The following NCKAP1 variants were observed in gnomAD, a reference collection of about 807,000 sequenced individuals.
NCKAP1 encodes NCK associated protein 1.
NCKAP1 carries 21 observed loss-of-function variants against 151.2 expected under a neutral mutation model. That is an observed-to-expected ratio of 0.14 (90% CI 0.10 to 0.20). The LOEUF (loss-of-function observed/expected upper bound fraction) is 0.20, where lower values mean the gene tolerates loss of function less well. Among genes scored for constraint, NCKAP1 ranks in the 10% least tolerant of loss-of-function variants. The probability of loss-of-function intolerance (pLI) is 1.00; values close to 1 mark genes in which losing one functional copy is unlikely to be tolerated. For missense variants in NCKAP1, 933 were observed against 1,352.1 expected, an observed-to-expected ratio of 0.69 and a Z score of 4.86; for synonymous variants, 484 against 451.8, an observed-to-expected ratio of 1.07 and a Z score of -0.90.
intron 20 of NCKAP1, among the ~76,000 whole-genome samples, chr2:182,953,945 G>C (rs1468699839): frequency 1.3e-5 from 2 of 152,168 alleles, no homozygotes; most frequent in Non-Finnish European, 2.9e-5. Context: ...TTGTAGCAAG[G>C]ACAGTGAACT....
At chr2:183,017,549 T>C (rs1003822914) in intron 2 of NCKAP1, among the ~76,000 whole-genome samples, 2 of 152,090 alleles carry the variant, frequency 1.3e-5, no homozygotes, top group African/African-American at 4.8e-5. Context: ...ATGTGAGTGA[T>C]GGGGAGTGGC....
chr2:182,981,949 A>G (rs1697947944), intron 12 of NCKAP1, among the ~76,000 whole-genome samples: 1 of 151,396 alleles, frequency 6.6e-6, no homozygotes, highest in Non-Finnish European at 1.5e-5. Context: ...AAAAAAATAA[A>G]CAGGACATGT....
Position 182,913,271 on chromosome 2 carries a change from G to T in NCKAP1, c.*12431C>A, listed in dbSNP as rs1466756173. 6.6e-6 allele frequency: 1 copy of T among 152,214 alleles called. No homozygotes were observed. Among genetic ancestry groups the T allele is most frequent in the East Asian group, 1.9e-4 (1 of 5,196 alleles). The allele number at this position is 152,214 out of a possible 1,614,324, so 9.4% of individuals were successfully genotyped here. On this transcript the variant is annotated 3_prime_UTR_variant, in exon 31 of 31. Transcript: ENST00000361354. ...TATTGAGGACTGTTGTGGCTTGAATGTGTCCCCGAAAAGTTCATGTGTTGG... is the reference window on the plus strand; with the variant it reads ...TATTGAGGACTGTTGTGGCTTGAATTTGTCCCCGAAAAGTTCATGTGTTGG...
intron 23 of NCKAP1, among the ~76,000 whole-genome samples, chr2:182,948,163 A>G (rs189596588): frequency 1.7e-3 from 265 of 152,214 alleles, no homozygotes; most frequent in Non-Finnish European, 2.0e-3. Flanking sequence ...ATCCTTAAAT[A>G]AGTCAGGATT....
intron 2 of NCKAP1, among the ~76,000 whole-genome samples, chr2:183,020,802 T>G (rs1199826267): frequency 2.6e-5 from 4 of 152,108 alleles, no homozygotes; most frequent in African/African-American, 9.7e-5. Context: ...ATCAACTAAT[T>G]CAATAAGTTA....
At chr2:182,953,612 C>T (rs1216186896) in intron 20 of NCKAP1, among the ~76,000 whole-genome samples, 2 of 151,974 alleles carry the variant, frequency 1.3e-5, no homozygotes, top group Non-Finnish European at 2.9e-5. Flanking sequence ...ACCATCCTGG[C>T]CAACATGGTG....
intron 6 of NCKAP1, among the ~76,000 whole-genome samples, chr2:182,997,530 C>A (rs898815436): frequency 6.6e-6 from 1 of 152,056 alleles, no homozygotes; most frequent in Non-Finnish European, 1.5e-5. Context: ...TGTTTAGTTT[C>A]CAAGTATTTG....
At chr2:182,992,889 T>C (rs1341205868) in intron 8 of NCKAP1, among the ~76,000 whole-genome samples, 2 of 152,216 alleles carry the variant, frequency 1.3e-5, no homozygotes, top group Non-Finnish European at 2.9e-5. Context: ...TAATAAAAAC[T>C]ATGAGCTTGT....
chr2:183,015,652 T>G (rs994030218), intron 2 of NCKAP1, among the ~76,000 whole-genome samples: 3 of 152,018 alleles, frequency 2.0e-5, no homozygotes, highest in Admixed American at 2.0e-4. Flanking sequence ...CTTTTCTCTT[T>G]AAGGCTAAAT....
intron 8 of NCKAP1, among the ~76,000 whole-genome samples, chr2:182,991,660 C>CAA (rs578190632): frequency 1.5e-5 from 2 of 132,076 alleles, no homozygotes; most frequent in African/African-American, 2.8e-5. Context: ...GATGAAAGGA[C>CAA]AAAAAAAAAA....
chr2:182,995,737 T>C lies in NCKAP1; in HGVS notation c.705A>G (p.Ala235=), dbSNP rs1698256014. ...RNAQLLSLIS[A]PSTMLNPAQS... is the part of the protein sequence containing the mutation. ...GTGCTGGATTAAGCATTGTACTAGG[T>C]GCACTGATGAGGCTCAATAACTGGG... The change falls in exon 7 of 31, where the codon GCA becomes GCG. Residue 235 remains alanine (A), a synonymous_variant. Transcript: ENST00000361354. 6.2e-7 allele frequency: 1 copy of C among 1,613,938 alleles called. No individual in the cohort carries two copies. The highest frequency in any genetic ancestry group is 1.7e-5 in the Admixed American group (1 of 60,006).
intron 18 of NCKAP1, among the ~76,000 whole-genome samples, chr2:182,959,081 T>C (rs1315906189): frequency 6.6e-6 from 1 of 152,228 alleles, no homozygotes; most frequent in East Asian, 1.9e-4. Context: ...GTGGTTTACA[T>C]AGTATCTCCA....
At position 182,967,226 on chromosome 2, in the gene NCKAP1, A is replaced by G. The variant is rs746880836; in HGVS notation, c.1618T>C (p.Ser540Pro). Residue 540 changes from serine to proline, a missense_variant, in exon 16 of 31, where the codon TCC (serine) becomes CCC (proline). Physicochemically the swap from Ser to Pro is moderately conservative, Grantham distance 74 (BLOSUM62 -1). Around this residue, in one of 2 missense-constraint regions of NCKAP1, gnomAD observed 607 missense variants for 795.0 expected, o/e 0.76. Transcript: ENST00000361354. ...VEMLVETSDL[S>P]IFCFYSRAFE... The stretch of plus-strand genomic sequence containing the variant: ...AAAATTACAACATACCAAAATATGG[A>G]GAGATCTGATGTTTCCACCAACATT... The G allele has an allele frequency of 1.2e-6, 2 of 1,603,548 alleles. No individual in the cohort carries two copies. Among genetic ancestry groups the G allele is most frequent in the Non-Finnish European group, 1.7e-6 (2 of 1,177,188 alleles).
At chr2:183,003,458 T>C (rs980787506) in intron 2 of NCKAP1, 133 bp from the exon 3 acceptor site, 54 of 604,208 alleles carry the variant, frequency 8.9e-5, no homozygotes, top group Non-Finnish European at 1.4e-4. Flanking sequence ...TACGGCTTTT[T>C]AAAAAACCAA....
At chr2:182,960,133 T>C (rs1228345647) in intron 18 of NCKAP1, among the ~76,000 whole-genome samples, 2 of 152,112 alleles carry the variant, frequency 1.3e-5, no homozygotes, top group Non-Finnish European at 2.9e-5. Flanking sequence ...GAAGAATCAA[T>C]ATCGTGAAAA....
At chr2:183,011,086 T>TA (rs1380297218) in intron 2 of NCKAP1, among the ~76,000 whole-genome samples, 1 of 152,186 alleles carries the variant, frequency 6.6e-6, no homozygotes, top group Non-Finnish European at 1.5e-5. Flanking sequence ...CTGCTATACT[T>TA]AAGAGTTTTT....
intron 25 of NCKAP1, 64 bp downstream of exon 25, chr2:182,935,229 A>T: frequency 1.7e-6 from 2 of 1,165,456 alleles, no homozygotes; most frequent in Non-Finnish European, 2.5e-6. Flanking sequence ...ACTTAACTTT[A>T]AATTTCTGAG....
chr2:183,016,732 T>C (rs1319644288), intron 2 of NCKAP1, among the ~76,000 whole-genome samples: 1 of 152,208 alleles, frequency 6.6e-6, no homozygotes, highest in African/African-American at 2.4e-5. Context: ...GATGCAGATG[T>C]GGGGTACCAC....
At chr2:183,024,303 A>T (rs1449090853) in intron 1 of NCKAP1, among the ~76,000 whole-genome samples, 1 of 152,178 alleles carries the variant, frequency 6.6e-6, no homozygotes, top group Non-Finnish European at 1.5e-5. Flanking sequence ...GTGTTATAAA[A>T]TAAAAGCTTA....
Sources: allele counts gnomAD v4.1 joint callset (sites outside exome capture counted in the v4.1 genomes callset), GRCh38; gene constraint gnomAD v4.1.1; regional missense constraint gnomAD v4.1.1; transcripts MANE v1.5; gene names NCBI Gene and HGNC (gene_info 2026-07-23, HGNC 2026-07-21).